Variants in LYST observed in about 807,000 individuals in gnomAD.
LYST encodes lysosomal-trafficking regulator.
LYST carries 192 observed loss-of-function variants against 413.6 expected under a neutral mutation model. That is an observed-to-expected ratio of 0.46 (90% CI 0.41 to 0.52). The LOEUF (loss-of-function observed/expected upper bound fraction) is 0.52, where lower values mean the gene tolerates loss of function less well. Ranked by LOEUF, LYST falls within the 20% of genes least tolerant of loss-of-function variation. LYST has a pLI of 0.00. For synonymous variants in LYST, 1,525 were observed against 1,567.3 expected (o/e 0.97, Z 0.64); for missense variants, 3,815 against 4,499.9 (o/e 0.85, Z 4.35).
chr1:235,796,602 T>A (rs1371476704), intron 10 of LYST, among the ~76,000 whole-genome samples: 4 of 152,140 alleles, frequency 2.6e-5, no homozygotes, highest in African/African-American at 7.2e-5. Flanking sequence ...AGAGATGGGA[T>A]CTTTGGGAGG....
intron 50 of LYST, among the ~76,000 whole-genome samples, chr1:235,675,037 A>G (rs1453080259): frequency 6.6e-6 from 1 of 152,096 alleles, no homozygotes; most frequent in Non-Finnish European, 1.5e-5. Flanking sequence ...ATAAGTTCCT[A>G]CTCTTAAACA....
chr1:235,792,584 G>T (rs759349999), intron 11 of LYST, among the ~76,000 whole-genome samples: 8 of 151,810 alleles, frequency 5.3e-5, no homozygotes, highest in Non-Finnish European at 7.4e-5. Context: ...CAAAGTGCTG[G>T]GATTACAGGC....
At chr1:235,827,723 G>A (rs973602662) in intron 3 of LYST, 2 of 974,142 alleles carry the variant, frequency 2.1e-6, no homozygotes, top group South Asian at 4.7e-5. Context: ...GTGACTAGGT[G>A]GAAAGAAGGG....
At chr1:235,738,071 A>T in intron 31 of LYST, 1 of 1,599,130 alleles carries the variant, frequency 6.3e-7, no homozygotes, top group Non-Finnish European at 8.5e-7. Flanking sequence ...ATAAGATTAC[A>T]GTTGTTGGGG....
rs1039912155 is a variant in LYST, at chr1:235,778,121, A to ATATATATATATATT, written c.5215-814_5215-813insAATATATATATATA. On this transcript the variant is annotated intron_variant, in intron 16 of 52. Coordinates refer to ENST00000389793, the MANE Select transcript of LYST (RefSeq NM_000081.4). ...TAAATATATATATATATATATATAT[A>ATATATATATATATT]TTTTTGTAGAGACATGGTCTTGTTA... is the stretch of plus-strand genomic sequence containing the variant. Among the ~76,000 whole-genome samples, 4 of 145,260 alleles carry ATATATATATATATT rather than the reference A, an allele frequency of 2.8e-5. 1 individual carries two copies. Among genetic ancestry groups the ATATATATATATATT allele is most frequent in the African/African-American group, 1.1e-4 (4 of 37,398 alleles).
chr1:235,683,121 T>A (rs1330464143), intron 48 of LYST, among the ~76,000 whole-genome samples: 1 of 152,158 alleles, frequency 6.6e-6, no homozygotes, highest in East Asian at 1.9e-4. Flanking sequence ...AACATAGGGG[T>A]CCTAATAGTA....
intron 50 of LYST, among the ~76,000 whole-genome samples, chr1:235,672,331 A>G (rs1208218926): frequency 6.6e-6 from 1 of 152,202 alleles, no homozygotes; most frequent in Non-Finnish European, 1.5e-5. Context: ...AAGGTAGCAA[A>G]AGACAAGAGA....
At chr1:235,811,050 CA>C (rs1197908771) in intron 4 of LYST, among the ~76,000 whole-genome samples, 1 of 152,134 alleles carries the variant, frequency 6.6e-6, no homozygotes, top group East Asian at 1.9e-4. Context: ...GAGCCTGAGG[CA>C]GGAGAATCTC....
intron 34 of LYST, among the ~76,000 whole-genome samples, chr1:235,732,618 G>A (rs553076850): frequency 3.3e-5 from 5 of 152,202 alleles, no homozygotes; most frequent in South Asian, 2.1e-4. Flanking sequence ...AATATCCTGC[G>A]GTGAATATTA....
chr1:235,770,160 C>G lies in LYST; in HGVS notation c.5922G>C (p.Gln1974His). 1 of 1,613,032 alleles carries G rather than the reference C, an allele frequency of 6.2e-7. No homozygotes were observed. Among genetic ancestry groups the G allele is most frequent in the Non-Finnish European group, 8.5e-7 (1 of 1,179,642 alleles). ...AAAAGTAAAGTTACATGAAAAGTAC[C>G]TGCAAAACCTGACAAGTCAGTAGAA... ...HHFLLTCQVL[Q>H]EYKEGQLTPM... The change falls in exon 20 of 53, where the codon CAG becomes CAC. Residue 1974 changes from glutamine to histidine, a missense_variant and splice_region_variant. This residue lies in a region of LYST where 530 missense variants were observed against 696.5 expected (regional missense o/e 0.76). Coordinates refer to ENST00000389793, the MANE Select transcript of LYST (RefSeq NM_000081.4).
At chr1:235,752,949 T>C (rs1666650357) in intron 26 of LYST, 95 bp downstream of exon 26, 1 of 685,572 alleles carries the variant, frequency 1.5e-6, no homozygotes, top group South Asian at 1.7e-5. Context: ...GCTTCTTACA[T>C]AGGTAAACTC....
In LYST at chr1:235,752,007, T is replaced by C. The variant is rs756956175; in HGVS notation, c.7625A>G (p.Gln2542Arg). 4 of 1,605,298 alleles carry C rather than the reference T, an allele frequency of 2.5e-6. No homozygotes were observed. In the Admixed American group the frequency reaches 5.0e-5, roughly 20 times the overall value. ...AATTCATAAAAATTAAATCTTACTT[T>C]GTGTCCTCTTGTTTTTGCTATTTTG... Reference protein sequence around the residue: ...YLQNSKNKRTQNMAVALQLRV... With the variant: ...YLQNSKNKRTRNMAVALQLRV... The change falls in exon 27 of 53, where the codon CAA becomes CGA. Residue 2542 changes from glutamine to arginine, a missense_variant and splice_region_variant. Transcript: ENST00000389793.
chr1:235,875,467 AT>A (rs1278824608), intron 1 of LYST, among the ~76,000 whole-genome samples: 9 of 152,230 alleles, frequency 5.9e-5, no homozygotes, highest in Admixed American at 5.9e-4. Flanking sequence ...ATAACACAAT[AT>A]TCTGACTCTC....
intron 1 of LYST, among the ~76,000 whole-genome samples, chr1:235,878,809 C>A (rs572249400): frequency 6.6e-6 from 1 of 152,298 alleles, no homozygotes; most frequent in Admixed American, 6.5e-5. Flanking sequence ...GGAAACCTGG[C>A]TTTTAACCCA....
At position 235,767,340 on chromosome 1, in the gene LYST, C is replaced by T. The variant is rs185586653; in HGVS notation, c.5923-1063G>A. On this transcript the variant is annotated intron_variant, in intron 20 of 52. Transcript: ENST00000389793. ...ATGTTAATTTTGAAACAATTTAGTT[C>T]GACTACCTCAGATTTAAGAAGGGAA... 3.0e-3 allele frequency among the ~76,000 whole-genome samples: 449 copies of T among 152,032 alleles called. 5 individuals are homozygous for T. Among genetic ancestry groups the T allele is most frequent in the South Asian group, 0.025 (121 of 4,822 alleles).
Position 235,810,255 on chromosome 1 carries a change from A to G in LYST, c.563T>C (p.Leu188Pro). The change falls in exon 5 of 53, where the codon CTG becomes CCG. Residue 188 changes from leucine (L) to proline (P), a missense_variant. Around this residue, in one of 4 missense-constraint regions of LYST, gnomAD observed 1,648 missense variants for 1,810.3 expected, o/e 0.91. Transcript: ENST00000389793. ...AMNKHRRPHL[L>P]HHFLTSFPKQ... ...AGGAAACGATGTTAAAAAATGATGC[A>G]GCAGATGGGGCCTTCTATGCTTATT... 1 of 1,614,152 alleles carries G rather than the reference A, an allele frequency of 6.2e-7. No individual in the cohort carries two copies. Among genetic ancestry groups the G allele is most frequent in the Non-Finnish European group, 8.5e-7 (1 of 1,179,990 alleles).
chr1:235,722,691 G>A (rs1663489545), intron 39 of LYST, among the ~76,000 whole-genome samples: 2 of 152,000 alleles, frequency 1.3e-5, no homozygotes, highest in Non-Finnish European at 2.9e-5. Context: ...TCACCATGTT[G>A]GCCAGGCTGG....
chr1:235,783,280 T>G (rs920712556), intron 14 of LYST, among the ~76,000 whole-genome samples: 1 of 152,194 alleles, frequency 6.6e-6, no homozygotes, highest in Non-Finnish European at 1.5e-5. Context: ...TTAATGTTTT[T>G]TTTTTTAATA....
chr1:235,855,234 G>A (rs1040172509), intron 1 of LYST, among the ~76,000 whole-genome samples: 2 of 152,036 alleles, frequency 1.3e-5, no homozygotes, highest in African/African-American at 4.8e-5. Context: ...AAAAATATGA[G>A]CATCTAACAC....
Sources: allele counts gnomAD v4.1 joint callset (sites outside exome capture counted in the v4.1 genomes callset), GRCh38; gene constraint gnomAD v4.1.1; regional missense constraint gnomAD v4.1.1; transcripts MANE v1.5; gene names NCBI Gene and HGNC (gene_info 2026-07-23, HGNC 2026-07-21).